The following NRXN3 variants were observed in gnomAD, a reference collection of about 807,000 sequenced individuals.
The protein encoded by NRXN3 is neurexin III.
Under a neutral mutation model 137.6 loss-of-function variants are expected in NRXN3, and 32 were observed. The observed-to-expected ratio is 0.23, with a 90% CI of 0.18 to 0.31. The LOEUF (loss-of-function observed/expected upper bound fraction) is 0.31, where lower values mean the gene tolerates loss of function less well. NRXN3 is among the 10% of genes least tolerant of loss of function. The pLI is 1.00. For missense variants in NRXN3, 1,574 were observed against 2,062.5 expected, an observed-to-expected ratio of 0.76 and a Z score of 4.59; for synonymous variants, 798 against 784.5, an observed-to-expected ratio of 1.02 and a Z score of -0.29.
intron 18 of NRXN3, among the ~76,000 whole-genome samples, chr14:79,696,195 T>C (rs1164052161): frequency 3.9e-5 from 6 of 152,012 alleles, no homozygotes; most frequent in Admixed American, 3.9e-4. Context: ...TTGTGTAGCC[T>C]TGAAGACCAT....
At position 78,877,423 on chromosome 14, in the gene NRXN3, A is replaced by G. The variant is rs139092978; in HGVS notation, c.2275+67079A>G. Reference sequence around the variant, plus strand: ...TTCTCTACCTTCCATCTAGATGTCAACTCTCCTCCTTTTCACTCTCACTCC... The same window carrying G: ...TTCTCTACCTTCCATCTAGATGTCAGCTCTCCTCCTTTTCACTCTCACTCC... On this transcript the variant is annotated intron_variant, in intron 10 of 20. Transcript: ENST00000335750. Among the ~76,000 whole-genome samples, 468 of 151,630 alleles carry G rather than the reference A, an allele frequency of 3.1e-3. 3 individuals carry two copies. Among genetic ancestry groups the G allele is most frequent in the African/African-American group, 0.011 (449 of 41,320 alleles).
In NRXN3 at chr14:79,358,597, A is replaced by AAGAG. The variant is rs1479170825; in HGVS notation, c.3263-108621_3263-108620insGAGA. 2.4e-5 allele frequency among the ~76,000 whole-genome samples: 2 copies of AAGAG among 81,860 alleles called. 1 individual carries two copies. Among genetic ancestry groups the AAGAG allele is most frequent in the East Asian group, 6.9e-4 (2 of 2,904 alleles). 53.7% of individuals were successfully genotyped at this position (81,860 alleles called of 152,430 possible). The stretch of plus-strand genomic sequence containing the variant: ...AAAGAAAGAAAGAGAGAAAGAAAGA[A>AAGAG]AGAAAGAAAGAGAAAGAAAGAAAGA... On this transcript the variant is annotated intron_variant, in intron 15 of 20. Coordinates refer to ENST00000335750, the MANE Select transcript of NRXN3 (RefSeq NM_001330195.2).
intron 4 of NRXN3, among the ~76,000 whole-genome samples, chr14:78,463,581 TTTTC>T (rs2094996379): frequency 6.7e-6 from 1 of 150,298 alleles, no homozygotes; most frequent in African/African-American, 2.5e-5. Flanking sequence ...TAAAATATGT[TTTTC>T]TTTCTTTCTT....
At chr14:78,200,982 G>A (rs895835577) in intron 1 of NRXN3, among the ~76,000 whole-genome samples, 9 of 152,162 alleles carry the variant, frequency 5.9e-5, no homozygotes, top group East Asian at 1.9e-4. Context: ...TTCTTCATCC[G>A]TGAAATGAGG....
intron 4 of NRXN3, among the ~76,000 whole-genome samples, chr14:78,419,086 G>A (rs1193571396): frequency 6.6e-6 from 1 of 152,068 alleles, no homozygotes; most frequent in African/African-American, 2.4e-5. Flanking sequence ...CCATCTTTGG[G>A]GTGGGTTATT....
intron 15 of NRXN3, among the ~76,000 whole-genome samples, chr14:79,210,490 A>G (rs1344822927): frequency 6.6e-6 from 1 of 152,178 alleles, no homozygotes; most frequent in Non-Finnish European, 1.5e-5. Flanking sequence ...GATCTGTGCA[A>G]CTAACACTCT....
At chr14:79,549,414 T>C (rs2097352576) in intron 16 of NRXN3, among the ~76,000 whole-genome samples, 1 of 152,166 alleles carries the variant, frequency 6.6e-6, no homozygotes, top group South Asian at 2.1e-4. Flanking sequence ...CTGAAGTTGG[T>C]ATGGACATAA....
chr14:79,190,216 A>AT (rs199716191), intron 15 of NRXN3, among the ~76,000 whole-genome samples: 4,528 of 150,856 alleles, frequency 0.03, 131 homozygotes, highest in East Asian at 0.13. Flanking sequence ...CCTTACGGAA[A>AT]TTTTTTTTTT....
intron 18 of NRXN3, among the ~76,000 whole-genome samples, chr14:79,692,695 CAAAA>C (rs1258139396): frequency 5.3e-5 from 8 of 151,490 alleles, no homozygotes; most frequent in Non-Finnish European, 1.0e-4. Context: ...AAAAAACAAA[CAAAA>C]AAACAAACAA....
chr14:79,568,267 A>G (rs2153792091), intron 16 of NRXN3, among the ~76,000 whole-genome samples: 1 of 152,276 alleles, frequency 6.6e-6, no homozygotes, highest in Middle Eastern at 3.4e-3. Context: ...TTTTATCTAT[A>G]AACTACCCTC....
chr14:79,102,367 A>G (rs1475211827), intron 15 of NRXN3, among the ~76,000 whole-genome samples: 1 of 152,162 alleles, frequency 6.6e-6, no homozygotes, highest in Non-Finnish European at 1.5e-5. Context: ...TCACCCTGCT[A>G]AGCTTACATT....
chr14:79,667,821 G>A (rs1001993863), intron 17 of NRXN3, among the ~76,000 whole-genome samples: 1 of 151,966 alleles, frequency 6.6e-6, no homozygotes, highest in African/African-American at 2.4e-5. Flanking sequence ...GGTGACTTGA[G>A]TATGAGGAAT....
chr14:79,489,521 A>T (rs8022132), intron 16 of NRXN3, among the ~76,000 whole-genome samples: 39,003 of 152,106 alleles, frequency 0.26, 5,398 homozygotes, highest in Non-Finnish European at 0.3. Flanking sequence ...CACCTACTAC[A>T]GACACCGGGC....
At chr14:78,548,389 G>T (rs1194818851) in intron 4 of NRXN3, among the ~76,000 whole-genome samples, 1 of 152,124 alleles carries the variant, frequency 6.6e-6, no homozygotes, top group African/African-American at 2.4e-5. Context: ...ACTTGGACAG[G>T]GAGATAAAAG....
At chr14:79,506,666 AT>A (rs1185215988) in intron 16 of NRXN3, among the ~76,000 whole-genome samples, 2 of 151,624 alleles carry the variant, frequency 1.3e-5, no homozygotes, top group African/African-American at 2.4e-5. Context: ...ATTGAATTTC[AT>A]TTTTTTTTCT....
intron 15 of NRXN3, among the ~76,000 whole-genome samples, chr14:79,341,355 A>T (rs1323953231): frequency 2.0e-5 from 3 of 152,158 alleles, no homozygotes; most frequent in Admixed American, 2.0e-4. Flanking sequence ...TGGGAGAGGC[A>T]AACTGTAAGA....
At chr14:79,356,790 C>T (rs908473025) in intron 15 of NRXN3, among the ~76,000 whole-genome samples, 1 of 151,980 alleles carries the variant, frequency 6.6e-6, no homozygotes, top group Non-Finnish European at 1.5e-5. Flanking sequence ...TGCAGTGATG[C>T]GATCTTGGAT....
chr14:79,835,228 A>C (rs2099336511), intron 20 of NRXN3, among the ~76,000 whole-genome samples: 1 of 152,278 alleles, frequency 6.6e-6, no homozygotes, highest in South Asian at 2.1e-4. Flanking sequence ...GGTATAATTT[A>C]GCTTGATTCA....
At chr14:79,627,921 C>T (rs2098299779) in intron 16 of NRXN3, among the ~76,000 whole-genome samples, 1 of 152,078 alleles carries the variant, frequency 6.6e-6, no homozygotes, top group Non-Finnish European at 1.5e-5. Context: ...GCAGTCTTAA[C>T]ACGGCATTTT....
Sources: gnomAD v4.1 joint callset for allele counts (sites outside exome capture counted in the v4.1 genomes callset) on GRCh38, gnomAD v4.1.1 for gene constraint, MANE v1.5 for transcripts, NCBI Gene and HGNC (gene_info 2026-07-23, HGNC 2026-07-21) for gene names.